The following MGAT4C variants were observed in gnomAD, a reference collection of about 807,000 sequenced individuals.
MGAT4C encodes the protein MGAT4 family member C.
In MGAT4C, 19 loss-of-function variants were observed where a neutral mutation model predicts 40.1. The observed-to-expected ratio is 0.47, with a 90% CI of 0.33 to 0.70. The LOEUF is 0.70. Ranked by LOEUF, MGAT4C falls within the 30% of genes least tolerant of loss-of-function variation. The probability of loss-of-function intolerance (pLI) is 0.02; values close to 1 mark genes in which losing one functional copy is unlikely to be tolerated. For missense variants in MGAT4C, 491 were observed against 563.2 expected, an observed-to-expected ratio of 0.87 and a Z score of 1.30; for synonymous variants, 181 against 187.1, an observed-to-expected ratio of 0.97 and a Z score of 0.27.
chr12:85,988,462 T>G (rs1304029221), intron 3 of MGAT4C, among the ~76,000 whole-genome samples: 2 of 152,100 alleles, frequency 1.3e-5, no homozygotes, highest in African/African-American at 4.8e-5. Context: ...TTTAAACTTT[T>G]AGCATTTTTG....
intron 1 of MGAT4C, among the ~76,000 whole-genome samples, chr12:86,772,964 T>G (rs1951664717): frequency 6.6e-6 from 1 of 152,004 alleles, no homozygotes; most frequent in Admixed American, 6.6e-5. Flanking sequence ...CTGGAATGAG[T>G]TAAGACTAGG....
intron 2 of MGAT4C, among the ~76,000 whole-genome samples, chr12:86,459,863 C>T (rs10745415): frequency 0.91 from 137,265 of 151,666 alleles, 62,261 homozygotes; most frequent in East Asian, 1. Flanking sequence ...AAGTTGATGC[C>T]TAAAGGGATT....
intron 2 of MGAT4C, among the ~76,000 whole-genome samples, chr12:86,707,225 A>G (rs1229263658): frequency 6.6e-6 from 1 of 152,190 alleles, no homozygotes; most frequent in Non-Finnish European, 1.5e-5. Flanking sequence ...GAACTAAGTA[A>G]CAGGCAGAGG....
intron 1 of MGAT4C, among the ~76,000 whole-genome samples, chr12:86,831,806 A>G (rs1011780426): frequency 3.3e-5 from 5 of 151,834 alleles, no homozygotes; most frequent in African/African-American, 1.2e-4. Flanking sequence ...TGCATGATAG[A>G]TATTATAATT....
intron 1 of MGAT4C, among the ~76,000 whole-genome samples, chr12:86,727,938 C>T (rs923890339): frequency 2.0e-5 from 3 of 152,010 alleles, no homozygotes; most frequent in Non-Finnish European, 4.4e-5. Context: ...AATCCTCATG[C>T]AATTTAACTG....
chr12:86,645,463 G>A (rs1028635897), intron 2 of MGAT4C, among the ~76,000 whole-genome samples: 2 of 151,520 alleles, frequency 1.3e-5, no homozygotes, highest in African/African-American at 4.8e-5. Flanking sequence ...AGAAATGCTC[G>A]GTGGTAAAAA....
At chr12:85,987,012 A>T (rs1302440992) in intron 3 of MGAT4C, among the ~76,000 whole-genome samples, 1 of 152,062 alleles carries the variant, frequency 6.6e-6, no homozygotes, top group South Asian at 2.1e-4. Flanking sequence ...ATTGTTAAAT[A>T]ATAAAAATGC....
chr12:86,431,782 T>C (rs1426511672), intron 3 of MGAT4C, among the ~76,000 whole-genome samples: 2 of 152,154 alleles, frequency 1.3e-5, no homozygotes, highest in Admixed American at 6.5e-5. Context: ...CCACTTTCTA[T>C]TGAATACATA....
intron 1 of MGAT4C, chr12:86,745,121 T>A (rs958949179): frequency 5.3e-5 from 8 of 151,430 alleles, no homozygotes; most frequent in African/African-American, 1.7e-4. Flanking sequence ...CTACACCCTA[T>A]GGGGCAGAGA....
chr12:86,307,262 G>T (rs147186549), intron 4 of MGAT4C, among the ~76,000 whole-genome samples: 1 of 150,632 alleles, frequency 6.6e-6, no homozygotes, highest in East Asian at 1.9e-4. Context: ...TATCTTTATA[G>T]TGTTGTGGCA....
intron 2 of MGAT4C, among the ~76,000 whole-genome samples, chr12:86,442,243 A>G (rs1957244500): frequency 6.6e-6 from 1 of 152,198 alleles, no homozygotes; most frequent in African/African-American, 2.4e-5. Context: ...TCTGGATATT[A>G]GCCCTTTGTC....
At chr12:86,275,828 G>A (rs536461227) in intron 4 of MGAT4C, among the ~76,000 whole-genome samples, 1 of 151,800 alleles carries the variant, frequency 6.6e-6, no homozygotes, top group South Asian at 2.1e-4. Context: ...TTGGCTGGGC[G>A]CGGTGGCTCA....
At chr12:86,223,292 T>A (rs768858866) in intron 1 of MGAT4C, among the ~76,000 whole-genome samples, 24 of 152,176 alleles carry the variant, frequency 1.6e-4, no homozygotes, top group Non-Finnish European at 3.1e-4. Context: ...CCATCCTCCC[T>A]AGTGGCAAGT....
intron 2 of MGAT4C, among the ~76,000 whole-genome samples, chr12:86,474,362 G>C (rs1440370346): frequency 8.1e-6 from 1 of 123,788 alleles, no homozygotes; most frequent in Non-Finnish European, 1.6e-5. Flanking sequence ...CACACACCGG[G>C]CCTGCTGTGG....
chr12:86,771,554 G>A (rs550115688), intron 1 of MGAT4C, among the ~76,000 whole-genome samples: 95 of 151,992 alleles, frequency 6.3e-4, no homozygotes, highest in Admixed American at 1.2e-3. Context: ...ATTGTGTACA[G>A]AATGTAAGTA....
intron 2 of MGAT4C, among the ~76,000 whole-genome samples, chr12:86,036,357 T>C (rs1161612919): frequency 6.7e-6 from 1 of 149,996 alleles, no homozygotes; most frequent in Admixed American, 6.7e-5. Flanking sequence ...TTATGTTGAA[T>C]AGGAGTGGTG....
chr12:86,672,743 A>G (rs775535573), intron 2 of MGAT4C, among the ~76,000 whole-genome samples: 1 of 152,076 alleles, frequency 6.6e-6, no homozygotes, highest in Non-Finnish European at 1.5e-5. Flanking sequence ...AACAATAGAA[A>G]CTAGAAAGTA....
At chr12:86,099,739 T>C (rs1191668735) in intron 1 of MGAT4C, among the ~76,000 whole-genome samples, 4 of 151,472 alleles carry the variant, frequency 2.6e-5, no homozygotes, top group East Asian at 1.9e-4. Context: ...TTCTAATTTT[T>C]AGTTGTGTTT....
At chr12:86,722,386 G>T (rs1382719255) in intron 2 of MGAT4C, among the ~76,000 whole-genome samples, 2 of 152,164 alleles carry the variant, frequency 1.3e-5, no homozygotes, top group Non-Finnish European at 2.9e-5. Context: ...GCCAACAAAA[G>T]ATTGAAGATT....
Sources: gnomAD v4.1 joint callset for allele counts (sites outside exome capture counted in the v4.1 genomes callset) on GRCh38, gnomAD v4.1.1 for gene constraint, MANE v1.5 for transcripts, NCBI Gene and HGNC (gene_info 2026-07-23, HGNC 2026-07-21) for gene names.